ZZZ3: variants seen among roughly 807,000 people sequenced by gnomAD.
The protein encoded by ZZZ3 is ZZ-type zinc finger-containing protein 3.
A neutral mutation model predicts 95.2 loss-of-function variants in ZZZ3; 22 were observed. The observed-to-expected ratio is 0.23, with a 90% CI of 0.17 to 0.33. ZZZ3 has a LOEUF of 0.33. Ranked by LOEUF, ZZZ3 falls within the 10% of genes least tolerant of loss-of-function variation. ZZZ3 has a pLI of 1.00. For missense variants in ZZZ3, 885 were observed against 1,066.5 expected (o/e 0.83, Z 2.37); for synonymous variants, 335 against 358.9 (o/e 0.93, Z 0.75).
chr1:77,629,082 T>C (rs995789445), intron 5 of ZZZ3, among the ~76,000 whole-genome samples: 4 of 152,300 alleles, frequency 2.6e-5, no homozygotes, highest in East Asian at 1.9e-4. Context: ...GGTGTCATGA[T>C]GCTACTTTTA....
upstream of ZZZ3, chr1:77,682,793 T>A (rs1176024615): frequency 6.6e-6 from 1 of 152,204 alleles, no homozygotes; most frequent in Non-Finnish European, 1.5e-5. Context: ...AACGGAGTAG[T>A]GAACATTTAA....
chr1:77,598,269 T>G (rs1664405130), intron 5 of ZZZ3, among the ~76,000 whole-genome samples: 1 of 152,162 alleles, frequency 6.6e-6, no homozygotes, highest in Non-Finnish European at 1.5e-5. Flanking sequence ...CAGAATATGT[T>G]ATTCAGAAAA....
At position 77,632,012 on chromosome 1, in the gene ZZZ3, C is replaced by T. The variant is rs1427812439; in HGVS notation, c.1343G>A (p.Gly448Glu). 1.5e-5 allele frequency: 24 copies of T among 1,614,048 alleles called. No individual in the cohort carries two copies. Among genetic ancestry groups the T allele is most frequent in the Non-Finnish European group, 1.9e-5 (23 of 1,179,964 alleles). Residue 448 changes from glycine to glutamate, a missense_variant, in exon 5 of 15, where the codon GGA (glycine) becomes GAA (glutamate). By Grantham distance (98) the Gly-to-Glu change is moderately conservative. Transcript: ENST00000370801. Reference protein sequence around the residue: ...KGICCDSQNNGSEGVSKPPSE... With the variant: ...KGICCDSQNNESEGVSKPPSE... ...GGGTGGTTTACTTACTCCTTCACTT[C>T]CATTATTTTGAGAGTCACAACATAT...
chr1:77,669,454 G>GTTTTTTT (rs11432486), intron 1 of ZZZ3, among the ~76,000 whole-genome samples: 1 of 131,328 alleles, frequency 7.6e-6, no homozygotes, highest in Non-Finnish European at 1.6e-5. Context: ...TTCTTTCTCA[G>GTTTTTTT]TTTTTTTTTT....
chr1:77,638,909 A>G (rs1668526952), intron 4 of ZZZ3, among the ~76,000 whole-genome samples: 1 of 152,238 alleles, frequency 6.6e-6, no homozygotes, highest in Non-Finnish European at 1.5e-5. Context: ...TAAAAGTAGA[A>G]GAGTAAAACC....
intron 5 of ZZZ3, among the ~76,000 whole-genome samples, chr1:77,613,105 C>T (rs1367771980): frequency 6.6e-6 from 1 of 152,038 alleles, no homozygotes; most frequent in Non-Finnish European, 1.5e-5. Flanking sequence ...GTCTTTACTT[C>T]CACCAATTCT....
rs763363662 is a variant in ZZZ3 at position 77,632,990 on chromosome 1, C to T, written c.365G>A (p.Cys122Tyr). The T allele has an allele frequency of 1.2e-6, 2 of 1,614,046 alleles. No homozygotes were observed. The highest frequency in any genetic ancestry group is 8.5e-7 in the Non-Finnish European group (1 of 1,180,014). ...ACTGTTTGGTGCTTCAGATCTAAGA[C>T]AACGCTTAATTCTTTTTAAAACTGG... ...VSPVLKRIKRCLRSEAPNSSE... is the reference protein window; with the variant it reads ...VSPVLKRIKRYLRSEAPNSSE... Residue 122 changes from cysteine (C) to tyrosine (Y), a missense_variant, in exon 5 of 15, where the codon TGT (cysteine) becomes TAT (tyrosine). Around this residue, in one of 5 missense-constraint regions of ZZZ3, gnomAD observed 556 missense variants for 652.9 expected, o/e 0.85. Transcript: ENST00000370801.
chr1:77,648,348 CAAA>C (rs774444208), intron 1 of ZZZ3, among the ~76,000 whole-genome samples: 15 of 52,950 alleles, frequency 2.8e-4, no homozygotes, highest in African/African-American at 4.1e-4. Context: ...AATCTTGCCT[CAAA>C]AAAAAAAAAA....
intron 1 of ZZZ3, among the ~76,000 whole-genome samples, chr1:77,648,883 A>C (rs7556523): frequency 0.42 from 63,993 of 151,936 alleles, 15,744 homozygotes; most frequent in African/African-American, 0.68. Flanking sequence ...GTAATCCCAG[A>C]ACTTTGTGAG....
At chr1:77,611,230 A>AC (rs1665763337) in intron 5 of ZZZ3, among the ~76,000 whole-genome samples, 1 of 78,714 alleles carries the variant, frequency 1.3e-5, no homozygotes, top group Non-Finnish European at 3.1e-5. Context: ...AAAAATACCT[A>AC]CCAAAAAAAA....
intron 1 of ZZZ3, among the ~76,000 whole-genome samples, chr1:77,677,861 A>G (rs1052924883): frequency 6.6e-6 from 1 of 152,206 alleles, no homozygotes; most frequent in Admixed American, 6.5e-5. Context: ...TGGAAGAAAT[A>G]TATCAAAATG....
intron 5 of ZZZ3, among the ~76,000 whole-genome samples, chr1:77,589,754 T>C (rs189296751): frequency 1.2e-3 from 182 of 152,180 alleles, no homozygotes; most frequent in African/African-American, 4.3e-3. Flanking sequence ...ACCACTGTGC[T>C]CGGCCTATAA....
At chr1:77,626,676 T>G (rs564344024) in intron 5 of ZZZ3, among the ~76,000 whole-genome samples, 2 of 152,220 alleles carry the variant, frequency 1.3e-5, no homozygotes, top group Non-Finnish European at 2.9e-5. Flanking sequence ...TTCCCATTAA[T>G]CTTTGTGCCA....
chr1:77,566,220 T>G (rs1310286078), intron 13 of ZZZ3, 39 bp from the exon 14 acceptor site: 1 of 1,407,088 alleles, frequency 7.1e-7, no homozygotes, highest in Admixed American at 2.0e-5. Context: ...TAAGTTATAC[T>G]GTTCCACGAT....
At chr1:77,649,561 G>A (rs1441490322) in intron 1 of ZZZ3, among the ~76,000 whole-genome samples, 4 of 152,062 alleles carry the variant, frequency 2.6e-5, no homozygotes, top group Non-Finnish European at 5.9e-5. Flanking sequence ...TAGAGCACCA[G>A]AAATGGTAAA....
At chr1:77,626,756 G>A (rs1667375100) in intron 5 of ZZZ3, among the ~76,000 whole-genome samples, 1 of 152,156 alleles carries the variant, frequency 6.6e-6, no homozygotes, top group African/African-American at 2.4e-5. Flanking sequence ...CACCAAGCAT[G>A]AGTTTTCCTT....
At chr1:77,622,416 G>T (rs1208365656) in intron 5 of ZZZ3, among the ~76,000 whole-genome samples, 3 of 143,462 alleles carry the variant, frequency 2.1e-5, no homozygotes, top group Non-Finnish European at 4.6e-5. Flanking sequence ...CAACACAAAT[G>T]GTAAAAATTA....
At chr1:77,631,174 G>C (rs1398518325) in intron 5 of ZZZ3, among the ~76,000 whole-genome samples, 1 of 152,158 alleles carries the variant, frequency 6.6e-6, no homozygotes. Context: ...ATTTACAACA[G>C]TGACTTAGCA....
chr1:77,568,448 T>C lies in ZZZ3; in HGVS notation c.2350A>G (p.Ile784Val), dbSNP rs753917618. The C allele has an allele frequency of 4.0e-6, 5 of 1,264,702 alleles. No homozygotes were observed. Among genetic ancestry groups the C allele is most frequent in the Non-Finnish European group, 5.4e-6 (5 of 930,852 alleles). 78.3% of individuals were successfully genotyped at this position (1,264,702 alleles called of 1,614,324 possible). ...TATTCAGGTAAATTCCTATACATGATAGGAATACTTTCGTCATCCTATCAA... is the reference window on the plus strand; with the variant it reads ...TATTCAGGTAAATTCCTATACATGACAGGAATACTTTCGTCATCCTATCAA... ...EDASDDESIP[I>V]MYRNLPEYKE... Residue 784 changes from isoleucine (I) to valine (V), a missense_variant, in exon 13 of 15, where the codon ATC becomes GTC. This residue lies in a region of ZZZ3 where 221 missense variants were observed against 247.8 expected (regional missense o/e 0.89). Transcript: ENST00000370801.
Sources: gnomAD v4.1 joint callset for allele counts (sites outside exome capture counted in the v4.1 genomes callset) on GRCh38, gnomAD v4.1.1 for gene constraint, gnomAD v4.1.1 regional missense constraint, MANE v1.5 for transcripts, NCBI Gene and HGNC (gene_info 2026-07-23, HGNC 2026-07-21) for gene names.